The following EPHA5 variants were observed in gnomAD, a reference collection of about 807,000 sequenced individuals.
EPHA5 encodes the protein EPH receptor A5.
EPHA5 carries 60 observed loss-of-function variants against 105.0 expected under a neutral mutation model. The observed-to-expected ratio is 0.57, with a 90% confidence interval of 0.46 to 0.71. The LOEUF (loss-of-function observed/expected upper bound fraction) is 0.71, where lower values mean the gene tolerates loss of function less well. EPHA5 is among the 30% of genes least tolerant of loss of function. The probability of loss-of-function intolerance (pLI) is 0.00; values close to 1 mark genes in which losing one functional copy is unlikely to be tolerated. For missense variants in EPHA5, 1,218 were observed against 1,274.7 expected, an observed-to-expected ratio of 0.96 and a Z score of 0.68; for synonymous variants, 513 against 449.1, an observed-to-expected ratio of 1.14 and a Z score of -1.80.
At chr4:65,564,012 T>C (rs1172888871) in intron 3 of EPHA5, among the ~76,000 whole-genome samples, 2 of 151,986 alleles carry the variant, frequency 1.3e-5, no homozygotes, top group Non-Finnish European at 2.9e-5. Flanking sequence ...TGGTGCTAAG[T>C]GTTGAACAAA....
At chr4:65,363,945 G>T (rs1323854349) in intron 11 of EPHA5, among the ~76,000 whole-genome samples, 1 of 151,038 alleles carries the variant, frequency 6.6e-6, no homozygotes, top group Non-Finnish European at 1.5e-5. Flanking sequence ...AAATATTTTT[G>T]TTTTATTCCA....
intron 15 of EPHA5, among the ~76,000 whole-genome samples, chr4:65,333,867 C>G (rs1026600048): frequency 6.6e-6 from 1 of 151,634 alleles, no homozygotes; most frequent in African/African-American, 2.4e-5. Flanking sequence ...TCTCCACATC[C>G]GTGTGCTCTT....
chr4:65,452,476 C>T (rs907297783), intron 5 of EPHA5, among the ~76,000 whole-genome samples: 9 of 151,766 alleles, frequency 5.9e-5, no homozygotes, highest in Admixed American at 2.0e-4. Flanking sequence ...AACACACACA[C>T]TCCAGCGAAG....
At chr4:65,427,144 A>G (rs1260040158) in intron 5 of EPHA5, among the ~76,000 whole-genome samples, 1 of 150,898 alleles carries the variant, frequency 6.6e-6, no homozygotes, top group Non-Finnish European at 1.5e-5. Flanking sequence ...AGACAATTAT[A>G]TGTATAAGTA....
intron 5 of EPHA5, among the ~76,000 whole-genome samples, chr4:65,435,520 T>A (rs1460358516): frequency 6.6e-6 from 1 of 152,112 alleles, no homozygotes; most frequent in African/African-American, 2.4e-5. Flanking sequence ...CTAGGATATC[T>A]AATTAGACTG....
chr4:65,331,121 C>T (rs1421662650), intron 16 of EPHA5: 27 of 1,034,972 alleles, frequency 2.6e-5, no homozygotes, highest in Non-Finnish European at 3.1e-5. Flanking sequence ...ATTTTCTAAA[C>T]CTTACAATAT....
chr4:65,393,442 C>A (rs944567890), intron 8 of EPHA5, among the ~76,000 whole-genome samples: 5 of 152,154 alleles, frequency 3.3e-5, no homozygotes, highest in Non-Finnish European at 7.4e-5. Flanking sequence ...AACACAGTGA[C>A]CATTTCCCCT....
At chr4:65,332,895 T>C (rs1219014596) in intron 15 of EPHA5, among the ~76,000 whole-genome samples, 1 of 151,912 alleles carries the variant, frequency 6.6e-6, no homozygotes, top group Non-Finnish European at 1.5e-5. Context: ...AGTAAATTTA[T>C]CTGGAAGTTA....
intron 2 of EPHA5, among the ~76,000 whole-genome samples, chr4:65,613,462 G>T (rs373235326): frequency 6.6e-6 from 1 of 151,914 alleles, no homozygotes; most frequent in African/African-American, 2.4e-5. Flanking sequence ...GATTGCTTTG[G>T]GCAGTATGGT....
intron 8 of EPHA5, among the ~76,000 whole-genome samples, chr4:65,377,232 T>C (rs1370482926): frequency 6.6e-6 from 1 of 152,032 alleles, no homozygotes; most frequent in Non-Finnish European, 1.5e-5. Context: ...TTAAGAAGCA[T>C]TTTATGGATT....
rs888726968 is a variant in EPHA5, at chr4:65,543,407, C to G, written c.911-47864G>C. Among the ~76,000 whole-genome samples the G allele has an allele frequency of 2.6e-5, 4 of 151,976 alleles. No individual in the cohort carries two copies. The South Asian group carries it at 6.2e-4, about 24-fold the overall frequency. On this transcript the variant is annotated intron_variant, in intron 3 of 16. Coordinates refer to ENST00000613740, the MANE Select transcript of EPHA5 (RefSeq NM_001281766.3). ...TACAAAAATCCATATGCAAAAATCA[C>G]AAGCATTCCTATACACCAACAATAG...
intron 2 of EPHA5, among the ~76,000 whole-genome samples, chr4:65,639,972 T>TA (rs1392393062): frequency 6.6e-6 from 1 of 152,188 alleles, no homozygotes; most frequent in Non-Finnish European, 1.5e-5. Flanking sequence ...ACATTGCTCT[T>TA]ACATTTTCTT....
At chr4:65,343,646 AC>A (rs1483950023) in intron 14 of EPHA5, among the ~76,000 whole-genome samples, 16 of 152,204 alleles carry the variant, frequency 1.1e-4, no homozygotes, top group African/African-American at 3.9e-4. Flanking sequence ...TTTCTTGGAT[AC>A]AAAATTTGGA....
At chr4:65,482,590 A>G (rs942117255) in intron 5 of EPHA5, among the ~76,000 whole-genome samples, 1 of 152,154 alleles carries the variant, frequency 6.6e-6, no homozygotes, top group African/African-American at 2.4e-5. Flanking sequence ...TAGCATGCAG[A>G]GACCAAAATA....
intron 8 of EPHA5, among the ~76,000 whole-genome samples, chr4:65,396,917 G>C (rs1247840910): frequency 6.6e-6 from 1 of 152,178 alleles, no homozygotes; most frequent in Non-Finnish European, 1.5e-5. Flanking sequence ...GAATCAGAAG[G>C]AGGCCCAAGA....
At chr4:65,487,223 A>C (rs1241057979) in intron 5 of EPHA5, among the ~76,000 whole-genome samples, 1 of 152,204 alleles carries the variant, frequency 6.6e-6, no homozygotes, top group Non-Finnish European at 1.5e-5. Context: ...AAATTATGAC[A>C]GTTAAAGAGA....
At chr4:65,338,065 GAAATA>G (rs1366125629) in intron 14 of EPHA5, among the ~76,000 whole-genome samples, 5 of 151,442 alleles carry the variant, frequency 3.3e-5, no homozygotes, top group South Asian at 4.2e-4. Flanking sequence ...TACATATTGA[GAAATA>G]AAATAATAAA....
intron 8 of EPHA5, among the ~76,000 whole-genome samples, chr4:65,374,611 G>A (rs1367014109): frequency 6.6e-6 from 1 of 151,874 alleles, no homozygotes; most frequent in African/African-American, 2.4e-5. Context: ...ATTTCCACAA[G>A]TTATCTCAGG....
intron 2 of EPHA5, among the ~76,000 whole-genome samples, chr4:65,618,412 GA>G (rs1303283047): frequency 7.2e-5 from 11 of 151,744 alleles, no homozygotes; most frequent in Admixed American, 1.3e-4. Context: ...TAAAAGAAAA[GA>G]AAAAAATTTT....
Sources: allele counts gnomAD v4.1 joint callset (sites outside exome capture counted in the v4.1 genomes callset), GRCh38; gene constraint gnomAD v4.1.1; transcripts MANE v1.5; gene names NCBI Gene and HGNC (gene_info 2026-07-23, HGNC 2026-07-21).